The following NUTM2A variants were observed in gnomAD, a reference collection of about 807,000 sequenced individuals.
The protein encoded by NUTM2A is family with sequence similarity 22, member A.
A neutral mutation model predicts 24.4 loss-of-function variants in NUTM2A; 3 were observed. The observed-to-expected ratio is 0.12, with a 90% CI of 0.06 to 0.32. The LOEUF is 0.32. Ranked by LOEUF, NUTM2A falls within the 10% of genes least tolerant of loss-of-function variation. NUTM2A has a pLI of 1.00. For synonymous variants in NUTM2A, 11 were observed against 278.4 expected (o/e 0.04, Z 9.56); for missense variants, 39 against 631.1 (o/e 0.06, Z 10.05).
chr10:87,233,081 G>A (rs1329479656), intron 5 of NUTM2A, 96 bp downstream of exon 5: 3 of 1,033,888 alleles, frequency 2.9e-6, no homozygotes, highest in Non-Finnish European at 4.1e-6. Context: ...ACTCAGCAGT[G>A]TGTGTATTTC....
At chr10:87,233,105 A>G (rs2758587) in intron 5 of NUTM2A, 120 bp downstream of exon 5, 629,749 of 924,896 alleles carry the variant, frequency 0.68, 270,864 homozygotes, top group East Asian at 0.96. Flanking sequence ...GGATTTGAGT[A>G]TCTGTGTATG....
In NUTM2A at chr10:87,232,921, C is replaced by A. The variant is rs759046585; in HGVS notation, c.1670C>A (p.Pro557His). 1 of 1,417,638 alleles carries A rather than the reference C, an allele frequency of 7.1e-7. No homozygotes were observed. Among genetic ancestry groups the A allele is most frequent in the African/African-American group, 1.4e-5 (1 of 73,552 alleles). The allele number at this position is 1,417,638 out of a possible 1,614,324, so 87.8% of individuals were successfully genotyped here. A position where few individuals can be genotyped will look rare whatever the true frequency, so the allele number is the denominator to read the frequency against. The stretch of plus-strand genomic sequence containing the variant: ...CAGCCACAGGAAGAGGACTGGACGC[C>A]CCCAGACCCGGGCCTCCTGAGCTAC... ...VKQPQEEDWT[P>H]PDPGLLSYTD... The change falls in exon 5 of 7, where the codon CCC becomes CAC. Residue 557 changes from proline (P) to histidine (H), a missense_variant. Transcript: ENST00000381707.
chr10:87,229,192 C>T (rs1284189453), intron 2 of NUTM2A, among the ~76,000 whole-genome samples: 2 of 152,172 alleles, frequency 1.3e-5, no homozygotes, highest in South Asian at 2.1e-4. Flanking sequence ...CCAGCCAATC[C>T]TTACTTTCAA....
rs373677718 is a variant in NUTM2A at position 87,229,467 on chromosome 10, C to T, written c.1082+505C>T. 5.3e-5 allele frequency among the ~76,000 whole-genome samples: 8 copies of T among 152,358 alleles called. No individual in the cohort carries two copies. The East Asian group carries it at 5.8e-4, about 11-fold the overall frequency. Reference sequence around the variant, plus strand: ...CACAGGGGGATGGTCTTGGGCCCTGCACTGGGGCCGATGCCGAGCAGGTAT... The same window carrying T: ...CACAGGGGGATGGTCTTGGGCCCTGTACTGGGGCCGATGCCGAGCAGGTAT... On this transcript the variant is annotated intron_variant, in intron 2 of 6. Coordinates refer to ENST00000381707, the MANE Select transcript of NUTM2A (RefSeq NM_001099338.2).
intron 2 of NUTM2A, 97 bp downstream of exon 2, chr10:87,229,059 G>A (rs1369565540): frequency 6.0e-5 from 79 of 1,315,210 alleles, no homozygotes; most frequent in Non-Finnish European, 7.7e-5. Flanking sequence ...GAGCTTGCAG[G>A]GCGGTTGTGA....
In NUTM2A at chr10:87,228,462, C is replaced by G. The variant is rs772682852; in HGVS notation, c.582C>G (p.Gly194=). 1 of 1,611,724 alleles carries G rather than the reference C, an allele frequency of 6.2e-7. No individual in the cohort carries two copies. Among genetic ancestry groups the G allele is most frequent in the South Asian group, 1.1e-5 (1 of 90,952 alleles). Residue 194 remains glycine (G), a synonymous_variant, in exon 2 of 7, where the codon GGC becomes GGG. Transcript: ENST00000381707. ...TGGTGACAGAACAGGATGGCTGCGG[C>G]CCGAGTGGGGCCGGGGCTTCCAACG... ...TPLVTEQDGC[G]PSGAGASNVF...
Sources: gnomAD v4.1 joint callset for allele counts (sites outside exome capture counted in the v4.1 genomes callset) on GRCh38, gnomAD v4.1.1 for gene constraint, MANE v1.5 for transcripts, NCBI Gene and HGNC (gene_info 2026-07-23, HGNC 2026-07-21) for gene names.